Variants in AMZ1 observed in about 807,000 individuals in gnomAD.
The protein encoded by AMZ1 is archaemetzincin-1.
A neutral mutation model predicts 29.9 loss-of-function variants in AMZ1; 39 were observed. The ratio of observed to expected loss-of-function variants is 1.30; its 90% CI spans 1.01 to 1.70. The LOEUF is 1.70. Ranked by LOEUF, AMZ1 falls within the 40% of genes most tolerant of loss-of-function variation. The pLI, the probability that AMZ1 is intolerant of heterozygous loss-of-function variation, is 0.00. For missense variants in AMZ1, 1,041 were observed against 680.6 expected, an observed-to-expected ratio of 1.53 and a Z score of -5.89; for synonymous variants, 458 against 304.0, an observed-to-expected ratio of 1.51 and a Z score of -5.27.
At chr7:2,743,920 TGCTA>T (rs560820769) in intron 4 of AMZ1, among the ~76,000 whole-genome samples, 53 of 151,914 alleles carry the variant, frequency 3.5e-4, no homozygotes, top group Admixed American at 3.0e-3. Context: ...TCTTGCTCAT[TGCTA>T]GCACAGCAGT....
intron 4 of AMZ1, among the ~76,000 whole-genome samples, chr7:2,749,832 T>G (rs1790941322): frequency 6.6e-6 from 1 of 152,002 alleles, no homozygotes; most frequent in Non-Finnish European, 1.5e-5. Context: ...CCACTGAAAT[T>G]AGATTAATAG....
At chr7:2,690,815 T>C (rs1387936987) in intron 1 of AMZ1, among the ~76,000 whole-genome samples, 3 of 151,972 alleles carry the variant, frequency 2.0e-5, no homozygotes, top group Non-Finnish European at 4.4e-5. Context: ...CTGGAACCAA[T>C]GTGGTAGGGC....
At chr7:2,760,661 A>G (rs1181319248), upstream of AMZ1, among the ~76,000 whole-genome samples, 1 of 152,118 alleles carries the variant, frequency 6.6e-6, no homozygotes, top group Non-Finnish European at 1.5e-5. Flanking sequence ...GTCCCTTTAA[A>G]CCTTCCCAAC....
At chr7:2,704,380 T>C (rs1007061832) in intron 3 of AMZ1, among the ~76,000 whole-genome samples, 1 of 152,032 alleles carries the variant, frequency 6.6e-6, no homozygotes, top group Admixed American at 6.6e-5. Context: ...CACACATCTA[T>C]AGTCTCAGCT....
upstream of AMZ1, chr7:2,762,951 G>A (rs182995810): frequency 1.1e-4 from 146 of 1,368,718 alleles, no homozygotes; most frequent in African/African-American, 9.9e-4. Flanking sequence ...CGTGGGGCCC[G>A]TGCCAGGGTC....
chr7:2,747,207 G>A (rs1315223223), intron 4 of AMZ1, among the ~76,000 whole-genome samples: 1 of 152,124 alleles, frequency 6.6e-6, no homozygotes, highest in East Asian at 1.9e-4. Flanking sequence ...GCCTGGCAGA[G>A]ACACAACCAA....
In AMZ1 at chr7:2,745,045, G is replaced by A. The variant is rs1028357599; in HGVS notation, n.551-19667G>A. ...GAAAAGACCAAATCTACATCTGATT[G>A]GTGTACCTGAAAGTGACAGGGAGAA... On this transcript the variant is annotated intron_variant and non_coding_transcript_variant, in intron 4 of 4. Coordinates refer to the AMZ1 transcript ENST00000489665. Among the ~76,000 whole-genome samples the A allele has an allele frequency of 1.4e-4, 22 of 152,322 alleles. No individual in the cohort carries two copies. The East Asian group carries it at 4.1e-3, about 28-fold the overall frequency.
At chr7:2,695,840 G>A (rs150544512) in intron 1 of AMZ1, among the ~76,000 whole-genome samples, 2,281 of 152,016 alleles carry the variant, frequency 0.015, 54 homozygotes, top group African/African-American at 0.052. Context: ...GTGAAACCCC[G>A]TCTCTACTAA....
intron 1 of AMZ1, among the ~76,000 whole-genome samples, chr7:2,699,538 C>G (rs560608237): frequency 1.1e-4 from 16 of 152,160 alleles, no homozygotes; most frequent in African/African-American, 2.2e-4. Flanking sequence ...CCCGCCCCCC[C>G]CCAAACATAT....
chr7:2,747,322 A>T (rs562807570), intron 4 of AMZ1, among the ~76,000 whole-genome samples: 16 of 152,352 alleles, frequency 1.1e-4, no homozygotes, highest in African/African-American at 3.8e-4. Flanking sequence ...CTTATCCACC[A>T]TGATCAAGTT....
intron 4 of AMZ1, 26 bp downstream of exon 4, chr7:2,708,742 C>A (rs201876216): frequency 2.5e-6 from 4 of 1,611,370 alleles, no homozygotes; most frequent in Non-Finnish European, 2.5e-6. Flanking sequence ...AGCAGCTGTG[C>A]GTGGGGGGTA....
Position 2,741,380 on chromosome 7 carries a change from A to G in AMZ1, n.551-23332A>G, listed in dbSNP as rs1790496087. 2.0e-5 allele frequency among the ~76,000 whole-genome samples: 3 copies of G among 152,068 alleles called. No homozygotes were observed. In the South Asian group the frequency reaches 6.2e-4, roughly 31 times the overall value. On this transcript the variant is annotated intron_variant and non_coding_transcript_variant, in intron 4 of 4. Coordinates refer to the AMZ1 transcript ENST00000489665. ...TTAAAAAAAACCCAAAAACCTAAAT[A>G]ACAGGGCTAGGGGTGGGGAGAGCTC...
chr7:2,706,150 T>G (rs1224136300), intron 3 of AMZ1, among the ~76,000 whole-genome samples: 1 of 152,206 alleles, frequency 6.6e-6, no homozygotes, highest in Non-Finnish European at 1.5e-5. Context: ...TATGCCAGGT[T>G]GCATTTGTGG....
chr7:2,706,748 A>G (rs976036979), intron 3 of AMZ1, among the ~76,000 whole-genome samples: 11 of 151,544 alleles, frequency 7.3e-5, no homozygotes, highest in African/African-American at 2.7e-4. Context: ...CTGTTTCCAA[A>G]CAATGGCAGG....
At position 2,718,290 on chromosome 7, in the gene AMZ1, C is replaced by T. The variant is rs1406268972; in HGVS notation, c.*5412C>T. Among the ~76,000 whole-genome samples, 4 of 152,228 alleles carry T rather than the reference C, an allele frequency of 2.6e-5. No homozygotes were observed. Among genetic ancestry groups the T allele is most frequent in the African/African-American group, 2.4e-5 (1 of 41,458 alleles). ...CCCAGTGTCCATTTTCTCTCTCAGG[C>T]AGGGTGCTCTGCCCGCCACAGTGTG... On this transcript the variant is annotated 3_prime_UTR_variant, in exon 7 of 7. Coordinates refer to ENST00000683327, the MANE Select transcript of AMZ1 (RefSeq NM_001384743.1).
chr7:2,734,205 T>C (rs1790043561), intron 4 of AMZ1, among the ~76,000 whole-genome samples: 1 of 152,074 alleles, frequency 6.6e-6, no homozygotes, highest in Non-Finnish European at 1.5e-5. Context: ...AGCCGCCAAA[T>C]GCGAGGCACA....
At chr7:2,702,553 A>C (rs1788110327) in intron 2 of AMZ1, 169 bp from the exon 3 acceptor site, 1 of 730,664 alleles carries the variant, frequency 1.4e-6, no homozygotes, top group Non-Finnish European at 2.2e-6. Context: ...CCCTTTTGAA[A>C]AAGTCATGCT....
upstream of AMZ1, among the ~76,000 whole-genome samples, chr7:2,683,416 T>G (rs1786956122): frequency 6.6e-6 from 1 of 151,808 alleles, no homozygotes. Context: ...CAACTTTCTG[T>G]TTTTTTGTTT....
intron 4 of AMZ1, among the ~76,000 whole-genome samples, chr7:2,751,421 T>C (rs539398419): frequency 9.6e-5 from 14 of 145,522 alleles, no homozygotes; most frequent in South Asian, 4.3e-4. Flanking sequence ...AAACAGCTTA[T>C]AGAAGAGAAA....
Sources: gnomAD v4.1 joint callset for allele counts (sites outside exome capture counted in the v4.1 genomes callset) on GRCh38, gnomAD v4.1.1 for gene constraint, MANE v1.5 for transcripts, NCBI Gene and HGNC (gene_info 2026-07-23, HGNC 2026-07-21) for gene names.